The following ARMC8 variants were observed in gnomAD, a reference collection of about 807,000 sequenced individuals.
ARMC8 encodes armadillo repeat-containing protein 8.
A neutral mutation model predicts 99.3 loss-of-function variants in ARMC8; 20 were observed. That is an observed-to-expected ratio of 0.20 (90% CI 0.14 to 0.29). The LOEUF is 0.29. Ranked by LOEUF, ARMC8 falls within the 10% of genes least tolerant of loss-of-function variation. The pLI is 1.00. For missense variants in ARMC8, 569 were observed against 809.5 expected (o/e 0.70, Z 3.60); for synonymous variants, 263 against 278.3 (o/e 0.95, Z 0.55).
At chr3:138,291,687 C>G (rs1342710630) in intron 21 of ARMC8, among the ~76,000 whole-genome samples, 2 of 152,190 alleles carry the variant, frequency 1.3e-5, no homozygotes, top group Non-Finnish European at 2.9e-5. Flanking sequence ...TAGTAAAGAT[C>G]TCTCTGAGGA....
At chr3:138,223,579 G>A (rs375160658) in intron 4 of ARMC8, 48 bp downstream of exon 4, 1 of 1,613,832 alleles carries the variant, frequency 6.2e-7, no homozygotes, top group Non-Finnish European at 8.5e-7. Flanking sequence ...GAATCAGTTT[G>A]CAGTGCTTTA....
rs765905309 is a variant in ARMC8, at chr3:138,245,106, C to T, written c.1057C>T (p.His353Tyr). 2 of 1,613,800 alleles carry T rather than the reference C, an allele frequency of 1.2e-6. No individual in the cohort carries two copies. The highest frequency in any genetic ancestry group is 3.3e-5 in the Admixed American group (2 of 59,984). Residue 353 changes from histidine (H) to tyrosine (Y), a missense_variant, in exon 12 of 22, where the codon CAT becomes TAT. Coordinates refer to ENST00000469044, the MANE Select transcript of ARMC8 (RefSeq NM_001363941.2). Reference protein sequence around the residue: ...DIKRLDHDLKHAHELRQAAFK... With the variant: ...DIKRLDHDLKYAHELRQAAFK... ...CCCATAGCTTGATCATGATTTAAAA[C>T]ATGCTCACGAACTCCGCCAGGCTGC...
chr3:138,224,828 T>C (rs2045597581), intron 5 of ARMC8, among the ~76,000 whole-genome samples: 1 of 152,236 alleles, frequency 6.6e-6, no homozygotes, highest in Non-Finnish European at 1.5e-5. Flanking sequence ...AAATATCAGA[T>C]GCTCTCAGCT....
intron 21 of ARMC8, among the ~76,000 whole-genome samples, chr3:138,291,772 CAG>C (rs1055559039): frequency 1.3e-5 from 2 of 152,062 alleles, no homozygotes; most frequent in African/African-American, 4.8e-5. Flanking sequence ...GTATTACAGA[CAG>C]GGGTGATAGT....
intron 18 of ARMC8, among the ~76,000 whole-genome samples, chr3:138,274,991 T>C (rs2049138263): frequency 6.6e-6 from 1 of 152,218 alleles, no homozygotes; most frequent in Non-Finnish European, 1.5e-5. Flanking sequence ...AGGCATCTTA[T>C]TCCTCATCCC....
chr3:138,234,128 C>T (rs750818083), intron 6 of ARMC8, among the ~76,000 whole-genome samples: 4 of 150,656 alleles, frequency 2.7e-5, no homozygotes, highest in Non-Finnish European at 5.9e-5. Flanking sequence ...TTTTTTGAGA[C>T]GGAGTCTCGC....
At chr3:138,229,550 T>C (rs950838398) in intron 6 of ARMC8, among the ~76,000 whole-genome samples, 14 of 152,248 alleles carry the variant, frequency 9.2e-5, no homozygotes, top group Admixed American at 8.5e-4. Context: ...AAATAAAGAT[T>C]ATACCACTTT....
At chr3:138,289,257 C>T (rs1036081801) in intron 20 of ARMC8, 137 bp downstream of exon 20, 1 of 663,972 alleles carries the variant, frequency 1.5e-6, no homozygotes, top group African/African-American at 1.8e-5. Context: ...TCTAGAGTTG[C>T]CCTGGTATGA....
At chr3:138,287,693 C>T in intron 19 of ARMC8, 1 of 456,630 alleles carries the variant, frequency 2.2e-6, no homozygotes, top group Middle Eastern at 3.3e-4. Flanking sequence ...GAATCACTAG[C>T]CATAGAATTC....
Position 138,250,485 on chromosome 3 carries a change from A to G in ARMC8, c.1134+5302A>G, listed in dbSNP as rs190916068. Among the ~76,000 whole-genome samples the G allele has an allele frequency of 3.2e-3, 494 of 152,282 alleles. 6 individuals are homozygous for G. Among genetic ancestry groups the G allele is most frequent in the Admixed American group, 0.018 (271 of 15,302 alleles). On this transcript the variant is annotated intron_variant, in intron 12 of 21. Transcript: ENST00000469044. ...TTTTAGAAACATAGGCTCTTTCTGTAGAGTATTTCTTGGTAACAAATTGTC... is the reference window on the plus strand; with the variant it reads ...TTTTAGAAACATAGGCTCTTTCTGTGGAGTATTTCTTGGTAACAAATTGTC...
Position 138,235,036 on chromosome 3 carries a change from G to C in ARMC8, c.531G>C (p.Gly177=). ...TGTTGTATTCTTTTTTCTTACAGGGGCCAGATCATCAAACAATTTTATTTA... is the reference window on the plus strand; with the variant it reads ...TGTTGTATTCTTTTTTCTTACAGGGCCCAGATCATCAAACAATTTTATTTA... ...ICQIFSHCCK[G]PDHQTILFNH... is the part of the protein sequence containing the mutation. Residue 177 remains glycine (G), a splice_region_variant and synonymous_variant, in exon 7 of 22, where the codon GGG becomes GGC. Coordinates refer to ENST00000469044, the MANE Select transcript of ARMC8 (RefSeq NM_001363941.2). 6.2e-7 allele frequency: 1 copy of C among 1,612,040 alleles called. No homozygotes were observed. The highest frequency in any genetic ancestry group is 8.5e-7 in the Non-Finnish European group (1 of 1,178,690).
chr3:138,255,114 G>C (rs778136113), intron 12 of ARMC8, among the ~76,000 whole-genome samples: 24 of 151,748 alleles, frequency 1.6e-4, no homozygotes, highest in Non-Finnish European at 3.4e-4. Context: ...CTTAGATGGT[G>C]GGTTTTTTAG....
intron 1 of ARMC8, among the ~76,000 whole-genome samples, chr3:138,193,637 G>A (rs1192347298): frequency 6.6e-6 from 1 of 152,156 alleles, no homozygotes; most frequent in Non-Finnish European, 1.5e-5. Context: ...CTCCTAATCT[G>A]TAACTTGCCT....
intron 12 of ARMC8, among the ~76,000 whole-genome samples, chr3:138,255,482 C>G (rs867117896): frequency 4.0e-4 from 61 of 151,946 alleles, no homozygotes; most frequent in African/African-American, 1.2e-3. Context: ...GATTACAGGC[C>G]TGAGCCACCG....
intron 1 of ARMC8, among the ~76,000 whole-genome samples, chr3:138,206,798 T>C (rs1192798893): frequency 1.3e-5 from 2 of 152,168 alleles, no homozygotes; most frequent in African/African-American, 2.4e-5. Context: ...AAGCGTAGAG[T>C]AAGATAAGGT....
At chr3:138,218,473 A>G (rs1437554234) in intron 2 of ARMC8, among the ~76,000 whole-genome samples, 3 of 152,284 alleles carry the variant, frequency 2.0e-5, no homozygotes, top group South Asian at 2.1e-4. Context: ...CCCCAGGAAC[A>G]TGCCATTTTC....
chr3:138,259,879 G>A (rs1299553579), intron 12 of ARMC8, among the ~76,000 whole-genome samples: 1 of 152,178 alleles, frequency 6.6e-6, no homozygotes, highest in African/African-American at 2.4e-5. Context: ...TAAAATTCCT[G>A]TTCTTGAGAA....
intron 1 of ARMC8, chr3:138,188,378 GTTT>G (rs372071706): frequency 6.3e-6 from 7 of 1,110,944 alleles, no homozygotes; most frequent in South Asian, 1.8e-5. Context: ...AGTAAAACCT[GTTT>G]TTTTTTTTTT....
chr3:138,190,205 T>A (rs1464873254), intron 1 of ARMC8, among the ~76,000 whole-genome samples: 1 of 152,152 alleles, frequency 6.6e-6, no homozygotes, highest in Non-Finnish European at 1.5e-5. Flanking sequence ...TCGGTTTCTT[T>A]TCTTGATTGA....
Sources: gnomAD v4.1 joint callset for allele counts (sites outside exome capture counted in the v4.1 genomes callset) on GRCh38, gnomAD v4.1.1 for gene constraint, MANE v1.5 for transcripts, NCBI Gene and HGNC (gene_info 2026-07-23, HGNC 2026-07-21) for gene names.